The following IAPP variants were observed in gnomAD, a reference collection of about 807,000 sequenced individuals.
IAPP encodes Islet amyloid polypeptide (diabetes-associated peptide; amylin).
IAPP carries 4 observed loss-of-function variants against 2.9 expected under a neutral mutation model. That is an observed-to-expected ratio of 1.39 (90% CI 0.69 to 3.19). IAPP has a LOEUF of 3.19. Ranked by LOEUF, IAPP falls within the 30% of genes most tolerant of loss-of-function variation. IAPP has a pLI of 0.01. For missense variants in IAPP, 114 were observed against 105.3 expected, an observed-to-expected ratio of 1.08 and a Z score of -0.36; for synonymous variants, 40 against 42.1, an observed-to-expected ratio of 0.95 and a Z score of 0.19.
At chr12:21,370,803 G>C (rs1385030386), upstream of IAPP, among the ~76,000 whole-genome samples, 1 of 152,140 alleles carries the variant, frequency 6.6e-6, no homozygotes, top group Non-Finnish European at 1.5e-5. Context: ...GTTTGATGTT[G>C]AACTTTATTT....
At chr12:21,376,721 T>C (rs908577604) in intron 2 of IAPP, among the ~76,000 whole-genome samples, 2 of 152,000 alleles carry the variant, frequency 1.3e-5, no homozygotes, top group African/African-American at 2.4e-5. Context: ...TATCTCTACT[T>C]AGAGATAGAG....
At chr12:21,362,004 A>G (rs994345157) in intron 1 of IAPP, among the ~76,000 whole-genome samples, 2 of 152,202 alleles carry the variant, frequency 1.3e-5, no homozygotes, top group Non-Finnish European at 2.9e-5. Flanking sequence ...TCCCCAACCT[A>G]GCGGGGAAGG....
upstream of IAPP, among the ~76,000 whole-genome samples, chr12:21,371,851 A>G (rs1462831402): frequency 2.6e-5 from 4 of 152,148 alleles, no homozygotes; most frequent in South Asian, 8.3e-4. Flanking sequence ...AAAAATACAA[A>G]ATTAGCCATA....
At chr12:21,362,143 G>A (rs911314315) in intron 1 of IAPP, among the ~76,000 whole-genome samples, 1 of 152,176 alleles carries the variant, frequency 6.6e-6, no homozygotes, top group Non-Finnish European at 1.5e-5. Context: ...GGCAGCCAGA[G>A]AGAAAGGTCA....
At chr12:21,364,758 C>A (rs1939232732) in intron 1 of IAPP, among the ~76,000 whole-genome samples, 1 of 152,150 alleles carries the variant, frequency 6.6e-6, no homozygotes, top group South Asian at 2.1e-4. Flanking sequence ...CAATAACAGA[C>A]AAACGGAGAG....
intron 1 of IAPP, 33 bp from the exon 2 acceptor site, chr12:21,373,304 C>A (rs1439818338): frequency 1.6e-6 from 2 of 1,235,944 alleles, no homozygotes; most frequent in Non-Finnish European, 2.4e-6. Flanking sequence ...TGTAAGAAAT[C>A]TCTTGATTTC....
At chr12:21,366,271 C>T (rs369878997) in intron 1 of IAPP, among the ~76,000 whole-genome samples, 2 of 152,076 alleles carry the variant, frequency 1.3e-5, no homozygotes, top group South Asian at 4.2e-4. Context: ...AAGCTGGAAA[C>T]CATCATTCTG....
chr12:21,368,658 A>G (rs1220121537), upstream of IAPP, among the ~76,000 whole-genome samples: 1 of 152,130 alleles, frequency 6.6e-6, no homozygotes, highest in Non-Finnish European at 1.5e-5. Context: ...TGTTTTAAAT[A>G]ATACAGTGGG....
rs184774690 is a variant in IAPP, at chr12:21,366,142, A to G, written c.-15-7195A>G. ...CTATTCACAACAGCAAAGACTTGGA[A>G]CCAACCCAAATGTCCATCAGTGATA... On this transcript the variant is annotated intron_variant, in intron 1 of 2. Transcript: ENST00000539393. Among the ~76,000 whole-genome samples, 17 of 152,324 alleles carry G rather than the reference A, an allele frequency of 1.1e-4. No individual in the cohort carries two copies. The East Asian group carries it at 3.3e-3, about 29-fold the overall frequency.
intron 1 of IAPP, among the ~76,000 whole-genome samples, chr12:21,361,939 G>A (rs140648335): frequency 0.09 from 13,738 of 152,118 alleles, 676 homozygotes; most frequent in Middle Eastern, 0.16. Context: ...TGAAAATGAC[G>A]GGGAGAATGG....
At chr12:21,371,285 A>G (rs1287253177), upstream of IAPP, among the ~76,000 whole-genome samples, 1 of 152,052 alleles carries the variant, frequency 6.6e-6, no homozygotes, top group African/African-American at 2.4e-5. Context: ...CTAGTTCTCA[A>G]TTTGGTCTGG....
intron 1 of IAPP, among the ~76,000 whole-genome samples, chr12:21,364,574 A>T (rs1939215155): frequency 6.6e-6 from 1 of 152,182 alleles, no homozygotes; most frequent in Non-Finnish European, 1.5e-5. Flanking sequence ...AAAGAAATAA[A>T]GGGTATTCAA....
chr12:21,362,055 A>T (rs1938943051), intron 1 of IAPP, among the ~76,000 whole-genome samples: 1 of 152,150 alleles, frequency 6.6e-6, no homozygotes, highest in Admixed American at 6.5e-5. Flanking sequence ...TGCCACAAAG[A>T]TACTCCTCGA....
intron 1 of IAPP, among the ~76,000 whole-genome samples, chr12:21,361,140 G>A (rs569328823): frequency 1.4e-5 from 2 of 147,690 alleles, no homozygotes; most frequent in East Asian, 2.0e-4. Context: ...CCTCCCAGTA[G>A]GGGCCGACAG....
At chr12:21,369,709 G>C (rs1487776662), upstream of IAPP, among the ~76,000 whole-genome samples, 2 of 152,170 alleles carry the variant, frequency 1.3e-5, no homozygotes, top group African/African-American at 4.8e-5. Flanking sequence ...TGGATCCAAG[G>C]TGGGGCCTGA....
At chr12:21,369,041 G>T (rs957517488), upstream of IAPP, among the ~76,000 whole-genome samples, 5 of 152,112 alleles carry the variant, frequency 3.3e-5, no homozygotes, top group East Asian at 5.8e-4. Flanking sequence ...ATTTATGGGT[G>T]GGCAGAATTA....
upstream of IAPP, among the ~76,000 whole-genome samples, chr12:21,370,488 C>A (rs1254379999): frequency 8.9e-6 from 1 of 112,114 alleles, no homozygotes; most frequent in Non-Finnish European, 1.7e-5. Flanking sequence ...CCTCCCCCGA[C>A]CCCACAACAG....
chr12:21,370,880 TGGGGCTTAGCCCTC>T (rs1565519981), upstream of IAPP, among the ~76,000 whole-genome samples: 1 of 152,176 alleles, frequency 6.6e-6, no homozygotes, highest in Non-Finnish European at 1.5e-5. Context: ...AGACCCAAAC[TGGGGCTTAGCCCTC>T]AAGGGTTCTT....
At chr12:21,363,771 C>T (rs1939137958) in intron 1 of IAPP, among the ~76,000 whole-genome samples, 1 of 152,198 alleles carries the variant, frequency 6.6e-6, no homozygotes, top group Non-Finnish European at 1.5e-5. Context: ...ATAAACACCT[C>T]TGTGCAAATC....
Sources: allele counts gnomAD v4.1 joint callset (sites outside exome capture counted in the v4.1 genomes callset), GRCh38; gene constraint gnomAD v4.1.1; transcripts MANE v1.5; gene names NCBI Gene and HGNC (gene_info 2026-07-23, HGNC 2026-07-21).